Variants in GSG1L observed in about 807,000 individuals in gnomAD.
The protein encoded by GSG1L is germ cell-specific gene 1-like protein.
GSG1L carries 24 observed loss-of-function variants against 42.1 expected under a neutral mutation model. The observed-to-expected ratio is 0.57, with a 90% CI of 0.41 to 0.80. The LOEUF (loss-of-function observed/expected upper bound fraction) is 0.80. Among genes scored for constraint, GSG1L ranks in the 30% least tolerant of loss-of-function variants. The pLI is 0.00. For synonymous variants in GSG1L, 215 were observed against 203.5 expected, an observed-to-expected ratio of 1.06 and a Z score of -0.48; for missense variants, 445 against 472.2, an observed-to-expected ratio of 0.94 and a Z score of 0.53.
At chr16:27,831,975 G>A (rs982739466) in intron 4 of GSG1L, among the ~76,000 whole-genome samples, 18 of 151,996 alleles carry the variant, frequency 1.2e-4, no homozygotes, top group African/African-American at 3.9e-4. Context: ...TTGCCCAGCT[G>A]GTCCCTTCTC....
intron 2 of GSG1L, among the ~76,000 whole-genome samples, chr16:27,901,701 C>T (rs79995449): frequency 0.022 from 3,343 of 152,324 alleles, 131 homozygotes; most frequent in African/African-American, 0.075. Flanking sequence ...AGTTACCTTT[C>T]AGAAATGTAA....
At chr16:27,832,519 C>T (rs1451941183) in intron 4 of GSG1L, among the ~76,000 whole-genome samples, 1 of 152,180 alleles carries the variant, frequency 6.6e-6, no homozygotes, top group Non-Finnish European at 1.5e-5. Flanking sequence ...TTATCTGGAG[C>T]ATCATCCAAG....
At position 27,884,600 on chromosome 16, in the gene GSG1L, T is replaced by A; in HGVS notation, c.436A>T (p.Ile146Phe). Residue 146 changes from isoleucine to phenylalanine, a missense_variant, in exon 3 of 7, where the codon ATT (isoleucine) becomes TTT (phenylalanine). By Grantham distance (21) the Ile-to-Phe change is conservative (BLOSUM62 0). Around this residue, in one of 3 missense-constraint regions of GSG1L, gnomAD observed 149 missense variants for 223.3 expected, o/e 0.67. Coordinates refer to ENST00000447459, the MANE Select transcript of GSG1L (RefSeq NM_001109763.2). The surrounding 1 kb of genome is among the most constrained non-coding windows in gnomAD (Gnocchi z 4.4). ...WLSVVSEVLY[I>F]LLLVVGFSLM... ...CTGAAGCCAACCACCAGCAGCAGAATGTACAGCACCTCGGAGACCACAGAC... is the reference window on the plus strand; with the variant it reads ...CTGAAGCCAACCACCAGCAGCAGAAAGTACAGCACCTCGGAGACCACAGAC... 1 of 1,609,350 alleles carries A rather than the reference T, an allele frequency of 6.2e-7. No homozygotes were observed. The highest frequency in any genetic ancestry group is 8.5e-7 in the Non-Finnish European group (1 of 1,177,806).
chr16:27,892,324 G>A (rs1443284994), intron 2 of GSG1L, among the ~76,000 whole-genome samples: 7 of 151,860 alleles, frequency 4.6e-5, no homozygotes, highest in Admixed American at 1.3e-4. Context: ...GCATGGTGGC[G>A]CGTGCCTGTA....
intron 1 of GSG1L, among the ~76,000 whole-genome samples, chr16:27,997,731 T>G (rs2085532862): frequency 6.6e-6 from 1 of 152,066 alleles, no homozygotes; most frequent in African/African-American, 2.4e-5. Context: ...GTACAAGTGG[T>G]TTTTGGTTAC....
intron 3 of GSG1L, among the ~76,000 whole-genome samples, chr16:27,853,665 T>C (rs2083541263): frequency 6.6e-6 from 1 of 152,162 alleles, no homozygotes; most frequent in African/African-American, 2.4e-5. Context: ...AATTCTGCCT[T>C]TTAAAGTGAA....
chr16:27,938,409 G>C (rs2084745208), intron 2 of GSG1L, among the ~76,000 whole-genome samples: 1 of 150,864 alleles, frequency 6.6e-6, no homozygotes, highest in South Asian at 2.1e-4. Flanking sequence ...AGGCAGAGGA[G>C]CAGAGAGAAA....
At chr16:27,856,395 C>A (rs543149238) in intron 3 of GSG1L, among the ~76,000 whole-genome samples, 15 of 152,326 alleles carry the variant, frequency 9.8e-5, no homozygotes, top group African/African-American at 3.6e-4. Flanking sequence ...CTCACTGCAG[C>A]CTTCAACTCC....
intron 1 of GSG1L, among the ~76,000 whole-genome samples, chr16:28,034,451 G>A (rs1358616453): frequency 6.6e-6 from 1 of 152,172 alleles, no homozygotes. Context: ...TGAAGAAAAA[G>A]GTAGCGGGGC....
intron 2 of GSG1L, among the ~76,000 whole-genome samples, chr16:27,948,398 G>T (rs2084910129): frequency 1.3e-5 from 2 of 152,070 alleles, no homozygotes; most frequent in African/African-American, 4.8e-5. Flanking sequence ...CTTTGAGGCA[G>T]GGTCTCGCTC....
At chr16:27,901,993 T>C (rs1410089949) in intron 2 of GSG1L, among the ~76,000 whole-genome samples, 1 of 152,208 alleles carries the variant, frequency 6.6e-6, no homozygotes, top group Non-Finnish European at 1.5e-5. Flanking sequence ...AACCCCTCCA[T>C]TTAAAGCAGC....
At chr16:27,891,245 G>A (rs1352767356) in intron 2 of GSG1L, among the ~76,000 whole-genome samples, 1 of 152,164 alleles carries the variant, frequency 6.6e-6, no homozygotes, top group Non-Finnish European at 1.5e-5. Flanking sequence ...GAATCACAAC[G>A]TTAAACTGTC....
Position 28,063,038 on chromosome 16 carries a change from A to C in GSG1L, c.349+38T>G. 1.5e-6 allele frequency: 2 copies of C among 1,365,532 alleles called. No individual in the cohort carries two copies. The highest frequency in any genetic ancestry group is 3.1e-5 in the Admixed American group (1 of 32,596). 84.6% of individuals were successfully genotyped at this position (1,365,532 alleles called of 1,614,324 possible). A position where few individuals can be genotyped will look rare whatever the true frequency, so the allele number is the denominator to read the frequency against. On this transcript the variant is annotated intron_variant, in intron 1 of 6. Coordinates refer to ENST00000447459, the MANE Select transcript of GSG1L (RefSeq NM_001109763.2). This position sits in a 1 kb window ranked among gnomAD's most constrained non-coding sequence, Gnocchi z 5.8. ...CTCGATGGCCGCGCCGCCCCGGGGG[A>C]GCCGGAGCCGAGCTGGCCGCCGCCC... is the stretch of plus-strand genomic sequence containing the variant.
At chr16:28,043,667 T>G (rs2086133813) in intron 1 of GSG1L, among the ~76,000 whole-genome samples, 1 of 152,244 alleles carries the variant, frequency 6.6e-6, no homozygotes, top group East Asian at 1.9e-4. Flanking sequence ...CTGGCAAGCA[T>G]GTGGAGCAAC....
At chr16:28,037,214 T>G (rs954094228) in intron 1 of GSG1L, among the ~76,000 whole-genome samples, 1 of 152,334 alleles carries the variant, frequency 6.6e-6, no homozygotes, top group South Asian at 2.1e-4. Flanking sequence ...TTAGCAGAGA[T>G]GGGGTTTCAC....
chr16:27,797,544 C>T (rs55916179), intron 6 of GSG1L, among the ~76,000 whole-genome samples: 24,903 of 129,846 alleles, frequency 0.19, 2,315 homozygotes, highest in African/African-American at 0.24. Context: ...AAAAAAGGGC[C>T]GGGCGCGGTG....
chr16:28,008,460 G>A (rs2085671469), intron 1 of GSG1L, among the ~76,000 whole-genome samples: 1 of 152,126 alleles, frequency 6.6e-6, no homozygotes, highest in Non-Finnish European at 1.5e-5. Context: ...AAGTTAAGAG[G>A]GGTCCAGCAT....
In GSG1L at chr16:27,947,561, GAA is replaced by G. The variant is rs1379093275; in HGVS notation, c.397+15593_397+15594del. On this transcript the variant is annotated intron_variant, in intron 2 of 6. Coordinates refer to ENST00000447459, the MANE Select transcript of GSG1L (RefSeq NM_001109763.2). Reference sequence around the variant, plus strand: ...TGAAGGAAAGAAAGAAAGAAAGAAAGAAAGAAAGAAAGAAAGAAAGAAAGAAA... The same window carrying G: ...TGAAGGAAAGAAAGAAAGAAAGAAAGAGAAAGAAAGAAAGAAAGAAAGAAA... Among the ~76,000 whole-genome samples the G allele has an allele frequency of 5.7e-4, 48 of 84,492 alleles. 1 individual carries two copies. Among genetic ancestry groups the G allele is most frequent in the Middle Eastern group, 5.5e-3 (1 of 182 alleles). The allele number at this position is 84,492 out of a possible 152,430, so 55.4% of individuals were successfully genotyped here. A position where few individuals can be genotyped will look rare whatever the true frequency, so the allele number is the denominator to read the frequency against.
chr16:27,799,271 C>T (rs148773895), intron 6 of GSG1L, among the ~76,000 whole-genome samples: 69 of 150,472 alleles, frequency 4.6e-4, no homozygotes, highest in African/African-American at 1.5e-3. Flanking sequence ...TGGCGGCTCA[C>T]GCCTGTAATC....
Sources: allele counts gnomAD v4.1 joint callset (sites outside exome capture counted in the v4.1 genomes callset), GRCh38; gene constraint gnomAD v4.1.1; regional missense constraint gnomAD v4.1.1; non-coding constraint Gnocchi (gnomAD v3.1); transcripts MANE v1.5; gene names NCBI Gene and HGNC (gene_info 2026-07-23, HGNC 2026-07-21).